SPOP: variants seen among roughly 807,000 people sequenced by gnomAD.
SPOP encodes speckle type BTB/POZ protein.
Under a neutral mutation model 45.6 loss-of-function variants are expected in SPOP, and 11 were observed. The observed-to-expected ratio is 0.24, with a 90% confidence interval of 0.15 to 0.40. The LOEUF (loss-of-function observed/expected upper bound fraction) is 0.40. Among genes scored for constraint, SPOP ranks in the 10% least tolerant of loss-of-function variants. The probability of loss-of-function intolerance (pLI) is 1.00; values close to 1 mark genes in which losing one functional copy is unlikely to be tolerated. For synonymous variants in SPOP, 166 were observed against 166.3 expected, an observed-to-expected ratio of 1.00 and a Z score of 0.01; for missense variants, 152 against 465.6, an observed-to-expected ratio of 0.33 and a Z score of 6.20.
intron 5 of SPOP, chr17:49,612,946 G>C (rs2072006323): frequency 6.6e-6 from 1 of 152,174 alleles, no homozygotes; most frequent in Non-Finnish European, 1.5e-5. Context: ...TTCCTTCTGT[G>C]CAGGAGTGAG....
At chr17:49,655,626 C>T (rs773993515) in intron 1 of SPOP, among the ~76,000 whole-genome samples, 5 of 151,948 alleles carry the variant, frequency 3.3e-5, no homozygotes, top group Admixed American at 2.6e-4. Context: ...TAATTATTTA[C>T]GTAGCCTGGA....
At chr17:49,672,047 C>A (rs972170954) in intron 1 of SPOP, among the ~76,000 whole-genome samples, 2 of 151,968 alleles carry the variant, frequency 1.3e-5, no homozygotes, top group Non-Finnish European at 1.5e-5. Flanking sequence ...GGTTGAGGCA[C>A]AAGAATCACT....
At chr17:49,641,369 A>G (rs1303645835) in intron 1 of SPOP, among the ~76,000 whole-genome samples, 1 of 150,444 alleles carries the variant, frequency 6.6e-6, no homozygotes, top group Non-Finnish European at 1.5e-5. Context: ...GTCATCTACC[A>G]TCCTGTATCT....
chr17:49,648,087 G>A (rs181449549), intron 1 of SPOP, among the ~76,000 whole-genome samples: 406 of 152,258 alleles, frequency 2.7e-3, no homozygotes, highest in Non-Finnish European at 4.2e-3. Context: ...AGGAAGTCCT[G>A]TCAGCTGTCC....
At chr17:49,602,039 C>G (rs1567767408) in intron 8 of SPOP, 32 bp from the exon 9 acceptor site, 2 of 1,611,882 alleles carry the variant, frequency 1.2e-6, no homozygotes, top group East Asian at 2.2e-5. Flanking sequence ...GTCATCAGAG[C>G]AGCAATAGTT....
chr17:49,668,340 T>G (rs2073090085), intron 1 of SPOP, among the ~76,000 whole-genome samples: 1 of 152,144 alleles, frequency 6.6e-6, no homozygotes, highest in South Asian at 2.1e-4. Flanking sequence ...GTACAGCATA[T>G]TCATACAACC....
chr17:49,608,022 A>T, intron 6 of SPOP, 93 bp from the exon 7 acceptor site: 11 of 1,104,048 alleles, frequency 1.0e-5, no homozygotes, highest in Non-Finnish European at 1.1e-5. Flanking sequence ...TTTCTAACCT[A>T]TCCTACTGCT....
At chr17:49,667,055 A>G (rs1463729287) in intron 1 of SPOP, among the ~76,000 whole-genome samples, 3 of 149,172 alleles carry the variant, frequency 2.0e-5, no homozygotes, top group Non-Finnish European at 4.5e-5. Flanking sequence ...GCGCAAGCCT[A>G]TAATCCCAGC....
chr17:49,676,412 A>C (rs932489139), intron 1 of SPOP, among the ~76,000 whole-genome samples: 1 of 152,286 alleles, frequency 6.6e-6, no homozygotes, highest in African/African-American at 2.4e-5. Context: ...AGACAGCAGA[A>C]CCCTGTAAGG....
chr17:49,668,707 A>G (rs1452702290), intron 1 of SPOP, among the ~76,000 whole-genome samples: 1 of 151,968 alleles, frequency 6.6e-6, no homozygotes, highest in African/African-American at 2.4e-5. Context: ...TATGTTTAAG[A>G]TATACATATA....
At chr17:49,624,276 G>A (rs1009187824) in intron 1 of SPOP, among the ~76,000 whole-genome samples, 2 of 151,896 alleles carry the variant, frequency 1.3e-5, no homozygotes, top group African/African-American at 4.8e-5. Context: ...TTTGCCAGAA[G>A]AGATTTTAGG....
chr17:49,619,515 T>C lies in SPOP; in HGVS notation c.201-130A>G. Reference sequence around the variant, plus strand: ...CATAGAAGAATATAATTCAGTAGAATGACTAGTTGGGAACAACTTTTTTCT... The same window carrying C: ...CATAGAAGAATATAATTCAGTAGAACGACTAGTTGGGAACAACTTTTTTCT... On this transcript the variant is annotated intron_variant, in intron 3 of 9. Coordinates refer to ENST00000504102, the MANE Select transcript of SPOP (RefSeq NM_001007228.2). The surrounding 1 kb of genome is among the most constrained non-coding windows in gnomAD (Gnocchi z 4.9). 4.7e-6 allele frequency: 5 copies of C among 1,059,862 alleles called. No individual in the cohort carries two copies. Among genetic ancestry groups the C allele is most frequent in the East Asian group, 5.2e-5 (2 of 38,514 alleles). The allele number at this position is 1,059,862 out of a possible 1,614,324, so 65.7% of individuals were successfully genotyped here. A position where few individuals can be genotyped will look rare whatever the true frequency, so the allele number is the denominator to read the frequency against.
In SPOP at chr17:49,616,074, C is replaced by T. The variant is rs2072079141; in HGVS notation, c.480+2907G>A. 2.0e-5 allele frequency among the ~76,000 whole-genome samples: 3 copies of T among 152,134 alleles called. No individual in the cohort carries two copies. In the South Asian group the frequency reaches 6.2e-4, roughly 32 times the overall value. On this transcript the variant is annotated intron_variant, in intron 5 of 9. Transcript: ENST00000504102. ...TGAGAACTGAAAGTGATCTCAGTGT[C>T]TACAGTCATATCACCCTGAACACGC...
chr17:49,661,702 C>T (rs1399621295), intron 1 of SPOP, among the ~76,000 whole-genome samples: 1 of 152,230 alleles, frequency 6.6e-6, no homozygotes, highest in Non-Finnish European at 1.5e-5. Flanking sequence ...ACACTATTCC[C>T]TTCCCTTCTC....
At chr17:49,638,231 A>T (rs1351872071) in intron 1 of SPOP, among the ~76,000 whole-genome samples, 1 of 152,222 alleles carries the variant, frequency 6.6e-6, no homozygotes, top group Admixed American at 6.5e-5. Flanking sequence ...AGAAAATTCC[A>T]CTGCTATATT....
chr17:49,645,558 G>A (rs1197040138), intron 1 of SPOP, among the ~76,000 whole-genome samples: 1 of 151,940 alleles, frequency 6.6e-6, no homozygotes, highest in Non-Finnish European at 1.5e-5. Flanking sequence ...GCCTCCCAAA[G>A]TGCTGGGATT....
chr17:49,640,386 A>G (rs1357715547), intron 1 of SPOP, among the ~76,000 whole-genome samples: 1 of 152,172 alleles, frequency 6.6e-6, no homozygotes, highest in African/African-American at 2.4e-5. Context: ...AAGACAATTT[A>G]GGATGAGAAG....
intron 1 of SPOP, among the ~76,000 whole-genome samples, chr17:49,624,108 G>C (rs2072273971): frequency 6.6e-6 from 1 of 151,946 alleles, no homozygotes; most frequent in Non-Finnish European, 1.5e-5. Flanking sequence ...AAATACCAAA[G>C]CCATTAAAAA....
chr17:49,634,824 A>T (rs1344477027), intron 1 of SPOP, among the ~76,000 whole-genome samples: 1 of 152,236 alleles, frequency 6.6e-6, no homozygotes, highest in South Asian at 2.1e-4. Context: ...AGAAAGTCTA[A>T]TTAGTCTTAG....
Sources: allele counts gnomAD v4.1 joint callset (sites outside exome capture counted in the v4.1 genomes callset), GRCh38; gene constraint gnomAD v4.1.1; non-coding constraint Gnocchi (gnomAD v3.1); transcripts MANE v1.5; gene names NCBI Gene and HGNC (gene_info 2026-07-23, HGNC 2026-07-21).